PLCH1: variants seen among roughly 807,000 people sequenced by gnomAD.
PLCH1 encodes the protein phospholipase C eta 1, also known as 1-phosphatidylinositol 4,5-bisphosphate phosphodiesterase eta-1.
PLCH1 carries 60 observed loss-of-function variants against 126.7 expected under a neutral mutation model. The observed-to-expected ratio is 0.47, with a 90% CI of 0.38 to 0.59. The LOEUF (loss-of-function observed/expected upper bound fraction) is 0.59. Among genes scored for constraint, PLCH1 ranks in the 20% least tolerant of loss-of-function variants. The pLI is 0.00. For synonymous variants in PLCH1, 719 were observed against 734.9 expected (o/e 0.98, Z 0.35); for missense variants, 1,723 against 2,040.0 (o/e 0.84, Z 2.99).
intron 1 of PLCH1, among the ~76,000 whole-genome samples, chr3:155,728,641 C>T (rs979881292): frequency 1.3e-5 from 2 of 152,098 alleles, no homozygotes; most frequent in African/African-American, 4.8e-5. Context: ...GAGAGAAAGA[C>T]AACAAGACAG....
At chr3:155,700,456 C>A (rs1021023134) in intron 2 of PLCH1, among the ~76,000 whole-genome samples, 2 of 152,122 alleles carry the variant, frequency 1.3e-5, no homozygotes, top group African/African-American at 4.8e-5. Flanking sequence ...CTAATTCAGT[C>A]CAAAATGTTT....
At chr3:155,717,796 T>C (rs1458655011) in intron 1 of PLCH1, among the ~76,000 whole-genome samples, 1 of 152,218 alleles carries the variant, frequency 6.6e-6, no homozygotes, top group Non-Finnish European at 1.5e-5. Context: ...CTTCTACCCT[T>C]GTCTTGGCAA....
At chr3:155,457,960 G>A (rs1049224768) in intron 21 of PLCH1, among the ~76,000 whole-genome samples, 1 of 152,080 alleles carries the variant, frequency 6.6e-6, no homozygotes. Flanking sequence ...AGGAGTTCCC[G>A]TGCACAGCTC....
chr3:155,613,006 A>G (rs1735334710), intron 2 of PLCH1, among the ~76,000 whole-genome samples: 1 of 152,128 alleles, frequency 6.6e-6, no homozygotes, highest in Admixed American at 6.6e-5. Context: ...AGATCATTCA[A>G]GGTTCCCATG....
chr3:155,688,185 C>T (rs1471116254), intron 2 of PLCH1, among the ~76,000 whole-genome samples: 1 of 152,226 alleles, frequency 6.6e-6, no homozygotes, highest in Admixed American at 6.5e-5. Flanking sequence ...CCTTTAGCAG[C>T]TCCAAAGTGA....
intron 2 of PLCH1, among the ~76,000 whole-genome samples, chr3:155,674,671 A>G (rs1344753294): frequency 2.0e-5 from 3 of 152,156 alleles, no homozygotes; most frequent in African/African-American, 7.2e-5. Context: ...TCAATGAAAA[A>G]TCTCTGGTAA....
At chr3:155,586,575 C>T (rs964323456) in intron 4 of PLCH1, among the ~76,000 whole-genome samples, 1 of 152,036 alleles carries the variant, frequency 6.6e-6, no homozygotes, top group African/African-American at 2.4e-5. Flanking sequence ...GGCATGGTGG[C>T]AGGCGCCTGT....
At chr3:155,543,202 TG>T (rs1257649037) in intron 10 of PLCH1, among the ~76,000 whole-genome samples, 1 of 152,154 alleles carries the variant, frequency 6.6e-6, no homozygotes, top group African/African-American at 2.4e-5. Context: ...AAGGAGCCGA[TG>T]GAGCTGAAAG....
chr3:155,575,499 A>ATTGTAC (rs1413267571), intron 6 of PLCH1, among the ~76,000 whole-genome samples: 1 of 152,184 alleles, frequency 6.6e-6, no homozygotes, highest in East Asian at 1.9e-4. Flanking sequence ...AGATTACAAT[A>ATTGTAC]AGGAGATGGC....
intron 1 of PLCH1, among the ~76,000 whole-genome samples, chr3:155,733,625 A>G (rs1219746942): frequency 6.6e-6 from 1 of 152,166 alleles, no homozygotes; most frequent in African/African-American, 2.4e-5. Context: ...CTAGAAGTAA[A>G]CAGGAGAAAA....
At chr3:155,566,556 GA>G (rs1307471184) in intron 7 of PLCH1, among the ~76,000 whole-genome samples, 1 of 151,716 alleles carries the variant, frequency 6.6e-6, no homozygotes, top group Non-Finnish European at 1.5e-5. Flanking sequence ...ACGTTCATCT[GA>G]AAAACAGTAA....
intron 11 of PLCH1, among the ~76,000 whole-genome samples, chr3:155,519,963 T>C (rs1178030916): frequency 2.0e-5 from 3 of 152,136 alleles, no homozygotes; most frequent in African/African-American, 7.2e-5. Flanking sequence ...CAGCTGCTTC[T>C]CAGCCATTCA....
At chr3:155,582,248 A>G (rs1730815381) in intron 6 of PLCH1, among the ~76,000 whole-genome samples, 1 of 150,156 alleles carries the variant, frequency 6.7e-6, no homozygotes, top group African/African-American at 2.5e-5. Context: ...ACAGCCAGCT[A>G]ATTTTTGTAT....
intron 21 of PLCH1, among the ~76,000 whole-genome samples, chr3:155,452,259 A>G (rs116834882): frequency 0.015 from 2,315 of 152,250 alleles, 58 homozygotes; most frequent in African/African-American, 0.053. Context: ...AAAACCATCA[A>G]TCTCGTAAGA....
intron 21 of PLCH1, chr3:155,457,127 C>T (rs1712465880): frequency 6.6e-6 from 1 of 152,352 alleles, no homozygotes; most frequent in Non-Finnish European, 1.5e-5. Context: ...GCGCACAAAC[C>T]TGAGCTTGAC....
At chr3:155,536,924 A>G (rs1048207690) in intron 10 of PLCH1, among the ~76,000 whole-genome samples, 4 of 152,170 alleles carry the variant, frequency 2.6e-5, no homozygotes, top group African/African-American at 9.7e-5. Flanking sequence ...GCTGTGAGGC[A>G]AAAGCATTAG....
At chr3:155,505,790 G>C (rs1718568702) in intron 12 of PLCH1, among the ~76,000 whole-genome samples, 1 of 152,122 alleles carries the variant, frequency 6.6e-6, no homozygotes, top group South Asian at 2.1e-4. Flanking sequence ...TAAGAAGGCA[G>C]CTGGATGTGA....
intron 2 of PLCH1, among the ~76,000 whole-genome samples, chr3:155,676,723 A>C (rs778194338): frequency 6.6e-6 from 1 of 152,080 alleles, no homozygotes; most frequent in Non-Finnish European, 1.5e-5. Context: ...TTTTGTCCTG[A>C]TTTTATTCAC....
At chr3:155,502,281 T>C (rs558422431) in intron 13 of PLCH1, among the ~76,000 whole-genome samples, 1 of 152,334 alleles carries the variant, frequency 6.6e-6, no homozygotes, top group African/African-American at 2.4e-5. Flanking sequence ...AGGATTATTG[T>C]TGTGATGGTT....
Sources: gnomAD v4.1 joint callset for allele counts (sites outside exome capture counted in the v4.1 genomes callset) on GRCh38, gnomAD v4.1.1 for gene constraint, MANE v1.5 for transcripts, NCBI Gene and HGNC (gene_info 2026-07-23, HGNC 2026-07-21) for gene names.